LRRK1: variants seen among roughly 807,000 people sequenced by gnomAD.
LRRK1 encodes the protein leucine rich repeat kinase 1, also known as leucine-rich repeat serine/threonine-protein kinase 1.
LRRK1 carries 113 observed loss-of-function variants against 209.1 expected under a neutral mutation model. The ratio of observed to expected loss-of-function variants is 0.54; its 90% CI spans 0.46 to 0.63. The LOEUF is 0.63. LRRK1 is among the 30% of genes least tolerant of loss of function. The pLI is 0.00. For synonymous variants in LRRK1, 1,144 were observed against 1,099.7 expected, an observed-to-expected ratio of 1.04 and a Z score of -0.80; for missense variants, 2,284 against 2,632.2, an observed-to-expected ratio of 0.87 and a Z score of 2.89.
At chr15:100,931,831 TGAC>T (rs1371342564) in intron 2 of LRRK1, among the ~76,000 whole-genome samples, 1 of 152,196 alleles carries the variant, frequency 6.6e-6, no homozygotes, top group Non-Finnish European at 1.5e-5. Context: ...TCCTGGTGCC[TGAC>T]TCCTCCCTGA....
chr15:101,065,857 T>C lies in LRRK1; in HGVS notation c.5420T>C (p.Val1807Ala), dbSNP rs1485930820. 1.2e-6 allele frequency: 2 copies of C among 1,613,822 alleles called. No individual in the cohort carries two copies. Among genetic ancestry groups the C allele is most frequent in the Non-Finnish European group, 1.7e-6 (2 of 1,179,996 alleles). The change falls in exon 32 of 34, where the codon GTG becomes GCG. Residue 1807 changes from valine (V) to alanine (A), a missense_variant. Coordinates refer to ENST00000388948, the MANE Select transcript of LRRK1 (RefSeq NM_024652.6). Reference sequence around the variant, plus strand: ...GCCAGCCACACGGCCAACCCAAAGGTGCCTGAGGGGGACTCCATCGCGGAC... The same window carrying C: ...GCCAGCCACACGGCCAACCCAAAGGCGCCTGAGGGGGACTCCATCGCGGAC... ...PAASHTANPK[V>A]PEGDSIADVS...
intron 32 of LRRK1, 95 bp downstream of exon 32, chr15:101,066,300 T>C: frequency 6.9e-7 from 1 of 1,457,494 alleles, no homozygotes; most frequent in South Asian, 1.4e-5. Flanking sequence ...TCCTTACAGG[T>C]CATGTGGGGA....
intron 3 of LRRK1, among the ~76,000 whole-genome samples, chr15:100,978,812 T>C (rs932442110): frequency 1.3e-5 from 2 of 152,232 alleles, no homozygotes; most frequent in African/African-American, 4.8e-5. Context: ...TGGATAATTC[T>C]ACCTAACATT....
At chr15:100,973,620 C>T (rs986146011) in intron 2 of LRRK1, among the ~76,000 whole-genome samples, 184 bp from the exon 3 acceptor site, 1 of 152,164 alleles carries the variant, frequency 6.6e-6, no homozygotes, top group African/African-American at 2.4e-5. Context: ...GCAGCGGCCC[C>T]GGTTGGGTTG....
At chr15:101,020,980 G>A (rs1462561832) in intron 12 of LRRK1, 73 bp from the exon 13 acceptor site, 12 of 1,572,094 alleles carry the variant, frequency 7.6e-6, no homozygotes, top group African/African-American at 6.8e-5. Context: ...CAGTTTATAC[G>A]CCCACCTGGT....
At position 100,999,639 on chromosome 15, in the gene LRRK1, G is replaced by A. The variant is rs112273967; in HGVS notation, c.763-9198G>A. ...TTAAGGAACCACTTACATAACATAGGAACTATTTGTTATTTGAAATATTTG... is the reference window on the plus strand; with the variant it reads ...TTAAGGAACCACTTACATAACATAGAAACTATTTGTTATTTGAAATATTTG... On this transcript the variant is annotated intron_variant, in intron 6 of 33. Coordinates refer to ENST00000388948, the MANE Select transcript of LRRK1 (RefSeq NM_024652.6). Among the ~76,000 whole-genome samples the A allele has an allele frequency of 8.6e-3, 1,307 of 152,250 alleles. 12 individuals are homozygous for A. Among genetic ancestry groups the A allele is most frequent in the Non-Finnish European group, 0.014 (921 of 68,008 alleles).
Position 101,049,890 on chromosome 15 carries a change from C to T in LRRK1, c.3439+107C>T, listed in dbSNP as rs1421233871. 3.9e-6 allele frequency: 5 copies of T among 1,270,644 alleles called. No individual in the cohort carries two copies. In the East Asian group the frequency reaches 1.2e-4, roughly 31 times the overall value. 78.7% of individuals were successfully genotyped at this position (1,270,644 alleles called of 1,614,324 possible). A position where few individuals can be genotyped will look rare whatever the true frequency, so the allele number is the denominator to read the frequency against. ...GACAAAAATCCCACTGGGATTCAGCCCAAGAAAACTAGGGGGTCTTAACAG... is the reference window on the plus strand; with the variant it reads ...GACAAAAATCCCACTGGGATTCAGCTCAAGAAAACTAGGGGGTCTTAACAG... On this transcript the variant is annotated intron_variant, in intron 23 of 33. Transcript: ENST00000388948.
chr15:101,066,533 C>A, intron 32 of LRRK1, 107 bp from the exon 33 acceptor site: 1 of 1,001,358 alleles, frequency 1.0e-6, no homozygotes, highest in Non-Finnish European at 1.6e-6. Flanking sequence ...TTAGCAGAAA[C>A]TGCATGTCTG....
intron 4 of LRRK1, among the ~76,000 whole-genome samples, chr15:100,986,955 T>C (rs147035435): frequency 2.0e-5 from 3 of 152,310 alleles, no homozygotes; most frequent in East Asian, 1.9e-4. Flanking sequence ...CTTAAAATCA[T>C]GGTCCTGAAA....
intron 6 of LRRK1, among the ~76,000 whole-genome samples, chr15:100,990,120 G>A (rs1182751442): frequency 1.3e-5 from 2 of 151,850 alleles, no homozygotes; most frequent in East Asian, 3.9e-4. Context: ...AACTATACAG[G>A]GTTTAGTTTT....
intron 21 of LRRK1, among the ~76,000 whole-genome samples, chr15:101,047,999 T>A (rs2141125325): frequency 6.6e-6 from 1 of 152,290 alleles, no homozygotes; most frequent in East Asian, 1.9e-4. Flanking sequence ...ATGAATTTTA[T>A]GTGTGTTTTT....
In LRRK1 at chr15:101,027,148, C is replaced by A; in HGVS notation, c.2406-113C>A. ...AATAAACTTCTTGTGTTGTCTTTCA[C>A]GAGTTCTCCAGACTTGCCAGCGTTC... On this transcript the variant is annotated intron_variant, in intron 17 of 33. Transcript: ENST00000388948. This position sits in a 1 kb window ranked among gnomAD's most constrained non-coding sequence, Gnocchi z 5.1. 2 of 1,351,828 alleles carry A rather than the reference C, an allele frequency of 1.5e-6. No homozygotes were observed. Among genetic ancestry groups the A allele is most frequent in the Non-Finnish European group, 2.0e-6 (2 of 986,968 alleles). The allele number at this position is 1,351,828 out of a possible 1,614,324, so 83.7% of individuals were successfully genotyped here. A position where few individuals can be genotyped will look rare whatever the true frequency, so the allele number is the denominator to read the frequency against.
intron 23 of LRRK1, 27 bp from the exon 24 acceptor site, chr15:101,051,684 G>A (rs1489860177): frequency 1.2e-6 from 2 of 1,605,026 alleles, no homozygotes; most frequent in African/African-American, 1.3e-5. Context: ...TTCTTGTGAA[G>A]CTGTCTCCTG....
rs571852375 is a variant in LRRK1, at chr15:100,948,119, C to G, written c.97+23390C>G. 3.7e-4 allele frequency among the ~76,000 whole-genome samples: 57 copies of G among 152,340 alleles called. No individual in the cohort carries two copies. The South Asian group carries it at 3.9e-3, about 11-fold the overall frequency. ...AGTCTCTGTCATCAATCTTAAACCTCGTTCTCTCAAGAAAGCTCCCAGGTG... is the reference window on the plus strand; with the variant it reads ...AGTCTCTGTCATCAATCTTAAACCTGGTTCTCTCAAGAAAGCTCCCAGGTG... On this transcript the variant is annotated intron_variant, in intron 2 of 33. Transcript: ENST00000388948.
At chr15:100,972,363 A>AGAGAGAGTGTGTGT (rs1176201849) in intron 2 of LRRK1, among the ~76,000 whole-genome samples, 25 of 98,496 alleles carry the variant, frequency 2.5e-4, no homozygotes, top group African/African-American at 5.9e-4. Flanking sequence ...AGAGAGAGAG[A>AGAGAGAGTGTGTGT]GTGTGTGTGT....
chr15:101,065,093 C>T, intron 31 of LRRK1: 1 of 549,700 alleles, frequency 1.8e-6, no homozygotes, highest in East Asian at 3.1e-5. Context: ...CGCAGCCTTA[C>T]TTGGTGCCAC....
In LRRK1 at chr15:101,026,810, G is replaced by T. The variant is rs1236324411; in HGVS notation, c.2406-451G>T. On this transcript the variant is annotated intron_variant, in intron 17 of 33. Coordinates refer to ENST00000388948, the MANE Select transcript of LRRK1 (RefSeq NM_024652.6). Reference sequence around the variant, plus strand: ...TCCCTCGCCCGGGGCAGAGCGCCACGGGTATTGGTGCATGGGTCAGCCTGG... The same window carrying T: ...TCCCTCGCCCGGGGCAGAGCGCCACTGGTATTGGTGCATGGGTCAGCCTGG... 2.0e-5 allele frequency among the ~76,000 whole-genome samples: 3 copies of T among 152,192 alleles called. No homozygotes were observed. In the South Asian group the frequency reaches 6.2e-4, roughly 31 times the overall value.
Position 101,012,015 on chromosome 15 carries a change from G to T in LRRK1, c.1289G>T (p.Cys430Phe), listed in dbSNP as rs1318234747. 6.2e-7 allele frequency: 1 copy of T among 1,601,108 alleles called. No individual in the cohort carries two copies. ...PDPWACPLKCCKASRNALECL... is the reference protein window; with the variant it reads ...PDPWACPLKCFKASRNALECL... ...TTCTCGTCAATCTCTTAGAAATGTTGTAAAGCTTCCAGAAATGCCCTGGAA... is the reference window on the plus strand; with the variant it reads ...TTCTCGTCAATCTCTTAGAAATGTTTTAAAGCTTCCAGAAATGCCCTGGAA... The change falls in exon 10 of 34, where the codon TGT becomes TTT. Residue 430 changes from cysteine (C) to phenylalanine (F), a missense_variant. Transcript: ENST00000388948.
chr15:100,970,512 C>T lies in LRRK1; in HGVS notation c.98-3292C>T, dbSNP rs550129692. On this transcript the variant is annotated intron_variant, in intron 2 of 33. Transcript: ENST00000388948. ...GTCCCTTGGAGCCATTTGTCTATAC[C>T]AGTACCATACTGTCTTGATTACTAT... Among the ~76,000 whole-genome samples, 4 of 152,272 alleles carry T rather than the reference C, an allele frequency of 2.6e-5. No individual in the cohort carries two copies. The South Asian group carries it at 8.3e-4, about 32-fold the overall frequency.
Sources: allele counts gnomAD v4.1 joint callset (sites outside exome capture counted in the v4.1 genomes callset), GRCh38; gene constraint gnomAD v4.1.1; non-coding constraint Gnocchi (gnomAD v3.1); transcripts MANE v1.5; gene names NCBI Gene and HGNC (gene_info 2026-07-23, HGNC 2026-07-21).